TTYH1: variants seen among roughly 807,000 people sequenced by gnomAD.
TTYH1 encodes protein tweety homolog 1.
In TTYH1, 33 loss-of-function variants were observed where a neutral mutation model predicts 61.2. The ratio of observed to expected loss-of-function variants is 0.54; its 90% CI spans 0.41 to 0.72. The LOEUF (loss-of-function observed/expected upper bound fraction) is 0.72, where lower values mean the gene tolerates loss of function less well. TTYH1 is among the 30% of genes least tolerant of loss of function. The pLI, the probability that TTYH1 is intolerant of heterozygous loss-of-function variation, is 0.00. For missense variants in TTYH1, 538 were observed against 575.8 expected, an observed-to-expected ratio of 0.93 and a Z score of 0.67; for synonymous variants, 308 against 266.4, an observed-to-expected ratio of 1.16 and a Z score of -1.52.
chr19:54,435,422 CAG>C, intron 10 of TTYH1, 118 bp from the exon 11 acceptor site: 2 of 1,250,408 alleles, frequency 1.6e-6, no homozygotes, highest in East Asian at 2.3e-5. Flanking sequence ...AACTGAGGCA[CAG>C]AGTGGTCAGT....
Position 54,435,837 on chromosome 19 carries a change from C to T in TTYH1, c.1278C>T (p.Tyr426=), listed in dbSNP as rs1410402080. ...CCGCATCAAACCCCAGTGACGACTA[C>T]GATGACACAGACGATGACGACCCTT... The part of the protein sequence containing the change: ...AWALFPPSDD[Y]DDTDDDDPFN... The change falls in exon 12 of 14, where the codon TAC becomes TAT. Residue 426 remains tyrosine, a synonymous_variant. Transcript: ENST00000376530. The T allele has an allele frequency of 9.3e-6, 15 of 1,613,278 alleles. No individual in the cohort carries two copies. Among genetic ancestry groups the T allele is most frequent in the East Asian group, 4.5e-5 (2 of 44,880 alleles).
At position 54,429,370 on chromosome 19, in the gene TTYH1, C is replaced by T; in HGVS notation, c.798C>T (p.Ala266=). The change falls in exon 6 of 14, where the codon GCC becomes GCT. Residue 266 remains alanine (A), a synonymous_variant. Transcript: ENST00000376530. The surrounding 1 kb of genome is among the most constrained non-coding windows in gnomAD (Gnocchi z 5.1). ...GGGGCTCCATGGGCCTGGAGGCAGC[C>T]ACGGCCGTGGTGAGTGCCAGGGCCG... ...LSWGSMGLEA[A]TAVGLSDFCS... 1 of 1,613,808 alleles carries T rather than the reference C, an allele frequency of 6.2e-7. No homozygotes were observed. The highest frequency in any genetic ancestry group is 8.5e-7 in the Non-Finnish European group (1 of 1,179,958).
chr19:54,423,959 G>A (rs1184004380), intron 4 of TTYH1, among the ~76,000 whole-genome samples: 5 of 152,100 alleles, frequency 3.3e-5, no homozygotes, highest in South Asian at 2.1e-4. Flanking sequence ...TCAAGAGATC[G>A]AGACCATCCT....
chr19:54,419,675 C>T lies in TTYH1; in HGVS notation c.305+369C>T. The T allele has an allele frequency of 2.0e-6, 1 of 501,794 alleles. No homozygotes were observed. 31.1% of individuals were successfully genotyped at this position (501,794 alleles called of 1,614,324 possible). ...CTGTAAACTGGGCATTATCATCTCG[C>T]CCACCTCCTGCGGGGGTAAGATGGA... On this transcript the variant is annotated intron_variant, in intron 2 of 13. Coordinates refer to ENST00000376530, the MANE Select transcript of TTYH1 (RefSeq NM_020659.4). This position sits in a 1 kb window ranked among gnomAD's most constrained non-coding sequence, Gnocchi z 6.1.
Position 54,416,753 on chromosome 19 carries a change from C to T in TTYH1, c.126+1075C>T, listed in dbSNP as rs1599879084. ...CCGCCTGCTCCTCGCCGCCCCCTCT[C>T]CCCACACACGGGGACCGCCGTCCCC... On this transcript the variant is annotated intron_variant, in intron 1 of 13. Transcript: ENST00000376530. This position sits in a 1 kb window ranked among gnomAD's most constrained non-coding sequence, Gnocchi z 7.0. 1 of 1,292,042 alleles carries T rather than the reference C, an allele frequency of 7.7e-7. No individual in the cohort carries two copies. Among genetic ancestry groups the T allele is most frequent in the East Asian group, 5.6e-5 (1 of 17,984 alleles). 80.0% of individuals were successfully genotyped at this position (1,292,042 alleles called of 1,614,324 possible).
chr19:54,419,329 G>T lies in TTYH1; in HGVS notation c.305+23G>T. The T allele has an allele frequency of 6.3e-7, 1 of 1,582,760 alleles. No individual in the cohort carries two copies. ...CTGGTAATGGGGCCCCAGGGTGGGT[G>T]GGCGGTGGGGACAGGGCTCCCCAAG... On this transcript the variant is annotated intron_variant, in intron 2 of 13. Coordinates refer to ENST00000376530, the MANE Select transcript of TTYH1 (RefSeq NM_020659.4). This position sits in a 1 kb window ranked among gnomAD's most constrained non-coding sequence, Gnocchi z 6.1.
intron 4 of TTYH1, among the ~76,000 whole-genome samples, chr19:54,425,288 C>G (rs947448012): frequency 1.3e-5 from 2 of 151,906 alleles, no homozygotes; most frequent in African/African-American, 4.8e-5. Context: ...AAGCTCAGCT[C>G]AAGCCGTAAC....
chr19:54,422,539 C>A, intron 4 of TTYH1, 129 bp downstream of exon 4: 1 of 730,832 alleles, frequency 1.4e-6, no homozygotes, highest in Non-Finnish European at 2.2e-6. Context: ...TGCTGGCATC[C>A]AATGGGTAGA....
rs149066224 is a variant in TTYH1 at position 54,429,364 on chromosome 19, G to A, written c.792G>A (p.Glu264=). Residue 264 remains glutamate, a synonymous_variant, in exon 6 of 14, where the codon GAG becomes GAA. Transcript: ENST00000376530. This position sits in a 1 kb window ranked among gnomAD's most constrained non-coding sequence, Gnocchi z 5.1. The part of the protein sequence containing the change: ...LVLSWGSMGL[E]AATAVGLSDF... ...TGAGCTGGGGCTCCATGGGCCTGGA[G>A]GCAGCCACGGCCGTGGTGAGTGCCA... 3 of 1,613,970 alleles carry A rather than the reference G, an allele frequency of 1.9e-6. No individual in the cohort carries two copies. Among genetic ancestry groups the A allele is most frequent in the South Asian group, 1.1e-5 (1 of 91,082 alleles).
rs1364021791 is a variant in TTYH1, at chr19:54,420,125, C to CT, written c.305+821dup. 6.6e-6 allele frequency among the ~76,000 whole-genome samples: 1 copy of CT among 152,140 alleles called. No homozygotes were observed. The highest frequency in any genetic ancestry group is 1.5e-5 in the Non-Finnish European group (1 of 68,010). On this transcript the variant is annotated intron_variant, in intron 2 of 13. Coordinates refer to ENST00000376530, the MANE Select transcript of TTYH1 (RefSeq NM_020659.4). The surrounding 1 kb of genome is among the most constrained non-coding windows in gnomAD (Gnocchi z 4.8). ...CACCCCTCAAAGCGAGCTTAGGGGG[C>CT]TTCCAATGTGAACACACCAGCTACC...
intron 4 of TTYH1, among the ~76,000 whole-genome samples, chr19:54,422,854 G>A (rs542510413): frequency 3.9e-4 from 58 of 148,880 alleles, no homozygotes; most frequent in Non-Finnish European, 6.7e-4. Context: ...CCTTGAACCC[G>A]GGAAATGGAG....
intron 1 of TTYH1, chr19:54,417,005 C>G (rs1005478227): frequency 8.4e-7 from 1 of 1,192,006 alleles, no homozygotes; most frequent in Non-Finnish European, 1.1e-6. Context: ...GGCAGAGCCC[C>G]ACAGCCGAGG....
In TTYH1 at chr19:54,430,539, T is replaced by C. The variant is rs981688907; in HGVS notation, c.884-11T>C. Reference sequence around the variant, plus strand: ...CTCATGGCCTCCTCCCCTCTCCTCCTCCCACTTCAGACATCCTGAGCTATT... The same window carrying C: ...CTCATGGCCTCCTCCCCTCTCCTCCCCCCACTTCAGACATCCTGAGCTATT... On this transcript the variant is annotated splice_polypyrimidine_tract_variant and intron_variant, in intron 7 of 13. Transcript: ENST00000376530. 7 of 1,613,784 alleles carry C rather than the reference T, an allele frequency of 4.3e-6. No homozygotes were observed. Among genetic ancestry groups the C allele is most frequent in the Admixed American group, 1.7e-5 (1 of 59,994 alleles).
At chr19:54,417,761 C>G (rs2122851994) in intron 1 of TTYH1, among the ~76,000 whole-genome samples, 1 of 152,038 alleles carries the variant, frequency 6.6e-6, no homozygotes, top group Non-Finnish European at 1.5e-5. Flanking sequence ...TTCATGTGCA[C>G]ACACACACTC....
chr19:54,425,612 C>T (rs115731823), intron 4 of TTYH1, among the ~76,000 whole-genome samples: 1,545 of 152,224 alleles, frequency 0.01, 23 homozygotes, highest in African/African-American at 0.035. Flanking sequence ...GATTATTAGT[C>T]GGCCTCGGAC....
At chr19:54,431,287 C>T in intron 10 of TTYH1, 96 bp downstream of exon 10, 1 of 802,016 alleles carries the variant, frequency 1.2e-6, no homozygotes. Context: ...CCTGCCATTG[C>T]GCCTGAGGAT....
intron 4 of TTYH1, among the ~76,000 whole-genome samples, chr19:54,424,959 G>A (rs915021596): frequency 6.6e-6 from 1 of 152,114 alleles, no homozygotes; most frequent in Non-Finnish European, 1.5e-5. Flanking sequence ...AGCAAGCCTC[G>A]TGTTCTCTGA....
At position 54,426,721 on chromosome 19, in the gene TTYH1, C is replaced by T. The variant is rs1266818273; in HGVS notation, c.687C>T (p.Leu229=). The T allele has an allele frequency of 1.2e-6, 2 of 1,613,960 alleles. No individual in the cohort carries two copies. The highest frequency in any genetic ancestry group is 1.7e-6 in the Non-Finnish European group (2 of 1,180,036). The change falls in exon 5 of 14, where the codon CTC becomes CTT. Residue 229 remains leucine, a synonymous_variant. Coordinates refer to ENST00000376530, the MANE Select transcript of TTYH1 (RefSeq NM_020659.4). ...LLLLLELLVC[L]FTLLGLAKQS... Reference sequence around the variant, plus strand: ...TGCTCCTGGAGCTGCTGGTCTGCCTCTTCACCCTCCTGGGCCTGGCGAAGC... The same window carrying T: ...TGCTCCTGGAGCTGCTGGTCTGCCTTTTCACCCTCCTGGGCCTGGCGAAGC...
In TTYH1 at chr19:54,415,963, G is replaced by T; in HGVS notation, c.126+285G>T. On this transcript the variant is annotated intron_variant, in intron 1 of 13. Transcript: ENST00000376530. The surrounding 1 kb of genome is among the most constrained non-coding windows in gnomAD (Gnocchi z 5.2). Reference sequence around the variant, plus strand: ...GGAGGGGAGGGGGGCCCGGATTCCCGGGTGTCTGATACCTGCCTGGGAAGC... The same window carrying T: ...GGAGGGGAGGGGGGCCCGGATTCCCTGGTGTCTGATACCTGCCTGGGAAGC... 2 of 1,174,660 alleles carry T rather than the reference G, an allele frequency of 1.7e-6. No individual in the cohort carries two copies. The highest frequency in any genetic ancestry group is 2.3e-5 in the Admixed American group (1 of 44,138). The allele number at this position is 1,174,660 out of a possible 1,614,324, so 72.8% of individuals were successfully genotyped here. A position where few individuals can be genotyped will look rare whatever the true frequency, so the allele number is the denominator to read the frequency against.
Sources: gnomAD v4.1 joint callset for allele counts (sites outside exome capture counted in the v4.1 genomes callset) on GRCh38, gnomAD v4.1.1 for gene constraint, Gnocchi (gnomAD v3.1) non-coding constraint, MANE v1.5 for transcripts, NCBI Gene and HGNC (gene_info 2026-07-23, HGNC 2026-07-21) for gene names.